The following PARP9 variants were observed in gnomAD, a reference collection of about 807,000 sequenced individuals.
The protein encoded by PARP9 is protein mono-ADP-ribosyltransferase PARP9.
PARP9 carries 48 observed loss-of-function variants against 68.8 expected under a neutral mutation model. The observed-to-expected ratio is 0.70, with a 90% CI of 0.55 to 0.89. The LOEUF is 0.89. PARP9 is among the 40% of genes least tolerant of loss of function. PARP9 has a pLI of 0.00. For synonymous variants in PARP9, 309 were observed against 333.8 expected (o/e 0.93, Z 0.81); for missense variants, 806 against 969.3 (o/e 0.83, Z 2.24).
intron 3 of PARP9, among the ~76,000 whole-genome samples, chr3:122,557,300 G>A (rs1241042207): frequency 7.4e-6 from 1 of 135,472 alleles, no homozygotes; most frequent in Non-Finnish European, 1.6e-5. Context: ...GGAGGAGTAG[G>A]GGAGACATTG....
intron 7 of PARP9, among the ~76,000 whole-genome samples, chr3:122,541,170 G>A (rs1333724518): frequency 2.0e-5 from 3 of 152,206 alleles, no homozygotes; most frequent in African/African-American, 7.2e-5. Context: ...GATTACAGGC[G>A]TGAGCCAACG....
At chr3:122,545,765 A>C (rs1215531918) in intron 6 of PARP9, 5 of 411,332 alleles carry the variant, frequency 1.2e-5, no homozygotes, top group African/African-American at 1.0e-4. Flanking sequence ...ATAACCGTGC[A>C]TTCATTCAAC....
At chr3:122,531,841 T>A (rs2077331121) in intron 10 of PARP9, 1 of 152,164 alleles carries the variant, frequency 6.6e-6, no homozygotes, top group Non-Finnish European at 1.5e-5. Context: ...TACAAAATAT[T>A]CTAAGAACAT....
At chr3:122,558,649 G>A (rs1459918650) in intron 2 of PARP9, among the ~76,000 whole-genome samples, 182 bp from the exon 3 acceptor site, 1 of 152,134 alleles carries the variant, frequency 6.6e-6, no homozygotes. Context: ...AATACTAAAT[G>A]TGCCAGCAAA....
At chr3:122,545,360 T>A in intron 7 of PARP9, 72 bp downstream of exon 7, 2 of 1,481,996 alleles carry the variant, frequency 1.3e-6, no homozygotes, top group Non-Finnish European at 1.9e-6. Flanking sequence ...CCTCCGTTAG[T>A]TCAGATGATC....
intron 2 of PARP9, among the ~76,000 whole-genome samples, 161 bp from the exon 3 acceptor site, chr3:122,558,628 G>C (rs903709110): frequency 4.6e-5 from 7 of 152,194 alleles, no homozygotes; most frequent in African/African-American, 1.7e-4. Flanking sequence ...CTGCATGCCC[G>C]AAACACTTAA....
chr3:122,539,507 ATTTCTTTCTTTCTTTCTTTCTTTC>A lies in PARP9; in HGVS notation c.1765+941_1765+964del, dbSNP rs144389968. On this transcript the variant is annotated intron_variant, in intron 8 of 10. Transcript: ENST00000682323. ...CTCTATCTCTATCTCCCAAGATGGC[ATTTCTTTCTTTCTTTCTTTCTTTC>A]TTTCTTTCTTTCTTTCTTTCTTTCT... Among the ~76,000 whole-genome samples the A allele has an allele frequency of 2.0e-3, 270 of 133,236 alleles. 2 individuals carry two copies. Among genetic ancestry groups the A allele is most frequent in the African/African-American group, 6.4e-3 (219 of 34,048 alleles). The allele number at this position is 133,236 out of a possible 152,430, so 87.4% of individuals were successfully genotyped here. A position where few individuals can be genotyped will look rare whatever the true frequency, so the allele number is the denominator to read the frequency against.
At chr3:122,530,284 T>C (rs1393366188) in intron 10 of PARP9, among the ~76,000 whole-genome samples, 1 of 151,916 alleles carries the variant, frequency 6.6e-6, no homozygotes, top group Non-Finnish European at 1.5e-5. Flanking sequence ...AAAGCACTCC[T>C]GGATTTGGAA....
At chr3:122,538,022 A>G (rs2077781423) in intron 8 of PARP9, among the ~76,000 whole-genome samples, 1 of 152,206 alleles carries the variant, frequency 6.6e-6, no homozygotes, top group Non-Finnish European at 1.5e-5. Flanking sequence ...CTGGTTCATT[A>G]TCTAATTGAA....
At chr3:122,564,304 G>A, upstream of PARP9, 1 of 1,209,812 alleles carries the variant, frequency 8.3e-7, no homozygotes, top group Non-Finnish European at 1.1e-6. Context: ...CGGCTCTGCC[G>A]GGAACAGGGA....
At chr3:122,535,740 A>G (rs2077586866) in intron 10 of PARP9, 3 of 1,001,134 alleles carry the variant, frequency 3.0e-6, no homozygotes, top group Non-Finnish European at 3.6e-6. Context: ...AAAGGGATGA[A>G]AGAGAAAAGA....
At position 122,540,954 on chromosome 3, in the gene PARP9, G is replaced by A. The variant is rs1211319060; in HGVS notation, c.1385-102C>T. The A allele has an allele frequency of 1.7e-5, 22 of 1,303,282 alleles. No individual in the cohort carries two copies. The Admixed American group carries it at 4.1e-4, about 24-fold the overall frequency. The allele number at this position is 1,303,282 out of a possible 1,614,324, so 80.7% of individuals were successfully genotyped here. On this transcript the variant is annotated intron_variant, in intron 7 of 10. Coordinates refer to ENST00000682323, the MANE Select transcript of PARP9 (RefSeq NM_001146105.2). ...CTCACAAGCTGGAGTGCAGTGCTGC[G>A]ATCTCAGCTCACTGCAAGCTCCGCC...
Position 122,555,403 on chromosome 3 carries a change from A to G in PARP9, c.768T>C (p.Ala256=). Residue 256 remains alanine, a synonymous_variant, in exon 4 of 11, where the codon GCT becomes GCC. Transcript: ENST00000682323. The stretch of plus-strand genomic sequence containing the variant: ...CACTCTTCCCTAGGATGAATTCTGA[A>G]GCAGCTTTAAAGGCAGCAACAGTAG... The part of the protein sequence containing the change: ...EDPTVAAFKA[A]SEFILGKSEL... 2 of 1,614,132 alleles carry G rather than the reference A, an allele frequency of 1.2e-6. No homozygotes were observed. Among genetic ancestry groups the G allele is most frequent in the Non-Finnish European group, 8.5e-7 (1 of 1,180,020 alleles).
At position 122,559,658 on chromosome 3, in the gene PARP9, C is replaced by A; in HGVS notation, c.-38G>T. 1 of 1,566,310 alleles carries A rather than the reference C, an allele frequency of 6.4e-7. No individual in the cohort carries two copies. The highest frequency in any genetic ancestry group is 8.6e-7 in the Non-Finnish European group (1 of 1,158,392). On this transcript the variant is annotated 5_prime_UTR_variant, in exon 2 of 11. Transcript: ENST00000682323. ...CGGGGGAGTCTTTAAATGTTTATTC[C>A]CTTTTGCGCTTCAAAGCATAGACTG... is the stretch of plus-strand genomic sequence containing the variant.
chr3:122,528,870 T>C, intron 10 of PARP9, 127 bp from the exon 11 acceptor site: 1 of 957,106 alleles, frequency 1.0e-6, no homozygotes, highest in Non-Finnish European at 1.5e-6. Flanking sequence ...TCTGAGTTCC[T>C]GTGTCTATAG....
At chr3:122,529,234 T>TAAAAAAAAAAAAAAA (rs59705545) in intron 10 of PARP9, among the ~76,000 whole-genome samples, 2 of 77,264 alleles carry the variant, frequency 2.6e-5, no homozygotes, top group Admixed American at 1.4e-4. Context: ...GCGAAACTCT[T>TAAAAAAAAAAAAAAA]AAAAAAAAAA....
rs1313293650 is a variant in PARP9, at chr3:122,555,518, T to C, written c.653A>G (p.Lys218Arg). The C allele has an allele frequency of 6.2e-7, 1 of 1,614,216 alleles. No homozygotes were observed. The highest frequency in any genetic ancestry group is 8.5e-7 in the Non-Finnish European group (1 of 1,180,036). The change falls in exon 4 of 11, where the codon AAG (lysine) becomes AGG (arginine). Residue 218 changes from lysine (K) to arginine (R), a missense_variant. Lys to Arg is a conservative substitution (Grantham distance 26, BLOSUM62 2). Coordinates refer to ENST00000682323, the MANE Select transcript of PARP9 (RefSeq NM_001146105.2). The stretch of plus-strand genomic sequence containing the variant: ...AACCCGGATAGTCTCTACAATAGTC[T>C]TTGTACACAAATTCAGAGGGAACTG... ...IFQFPLNLCTKTIVETIRVSL... is the reference protein window; with the variant it reads ...IFQFPLNLCTRTIVETIRVSL...
At chr3:122,551,453 C>A (rs2079193486) in intron 5 of PARP9, among the ~76,000 whole-genome samples, 1 of 152,092 alleles carries the variant, frequency 6.6e-6, no homozygotes. Flanking sequence ...CTCTTTTCAC[C>A]ATCTGAGTGG....
chr3:122,551,738 A>T (rs1376211142), intron 5 of PARP9, among the ~76,000 whole-genome samples: 1 of 152,202 alleles, frequency 6.6e-6, no homozygotes, highest in Non-Finnish European at 1.5e-5. Context: ...TGCTCCAGGA[A>T]TATAACACAT....
Sources: gnomAD v4.1 joint callset for allele counts (sites outside exome capture counted in the v4.1 genomes callset) on GRCh38, gnomAD v4.1.1 for gene constraint, MANE v1.5 for transcripts, NCBI Gene and HGNC (gene_info 2026-07-23, HGNC 2026-07-21) for gene names.